DENND4C: variants seen among roughly 807,000 people sequenced by gnomAD.
The protein encoded by DENND4C is DENN domain containing 4C.
Under a neutral mutation model 203.0 loss-of-function variants are expected in DENND4C, and 108 were observed. That is an observed-to-expected ratio of 0.53 (90% CI 0.46 to 0.62). DENND4C has a LOEUF of 0.62. Among genes scored for constraint, DENND4C ranks in the 20% least tolerant of loss-of-function variants. The pLI is 0.00. For synonymous variants in DENND4C, 871 were observed against 792.4 expected, an observed-to-expected ratio of 1.10 and a Z score of -1.67; for missense variants, 2,481 against 2,301.2, an observed-to-expected ratio of 1.08 and a Z score of -1.60.
intron 9 of DENND4C, among the ~76,000 whole-genome samples, chr9:19,301,376 C>A (rs1838541695): frequency 6.6e-6 from 1 of 152,188 alleles, no homozygotes; most frequent in Non-Finnish European, 1.5e-5. Flanking sequence ...CTCTTGTTTA[C>A]TCCTGTATTT....
At chr9:19,348,949 A>G (rs1334958852) in intron 23 of DENND4C, among the ~76,000 whole-genome samples, 2 of 151,848 alleles carry the variant, frequency 1.3e-5, no homozygotes, top group African/African-American at 4.8e-5. Flanking sequence ...CTAGGACTCC[A>G]GGCGTGCCCC....
intron 1 of DENND4C, among the ~76,000 whole-genome samples, chr9:19,247,241 G>C (rs1825512158): frequency 6.6e-6 from 1 of 152,030 alleles, no homozygotes; most frequent in Non-Finnish European, 1.5e-5. Context: ...CCTAGACTTA[G>C]GCTTTGTAAC....
At position 19,240,809 on chromosome 9, in the gene DENND4C, A is replaced by C. The variant is rs1049741073; in HGVS notation, c.-18+9976A>C. The stretch of plus-strand genomic sequence containing the variant: ...TGGTGAAACTGTGTCTCTACTAAAA[A>C]CTCAAAAATTAGCCTGGTATGGTGG... On this transcript the variant is annotated intron_variant, in intron 1 of 32. Transcript: ENST00000434457. 2.6e-5 allele frequency among the ~76,000 whole-genome samples: 4 copies of C among 152,000 alleles called. No individual in the cohort carries two copies. The East Asian group carries it at 5.8e-4, about 22-fold the overall frequency.
chr9:19,331,546 T>C (rs1563811209), intron 16 of DENND4C, among the ~76,000 whole-genome samples: 1 of 152,120 alleles, frequency 6.6e-6, no homozygotes, highest in African/African-American at 2.4e-5. Context: ...GGAGTTAACA[T>C]AGACTGTAGC....
In DENND4C at chr9:19,358,505, A is replaced by G. The variant is rs915681097; in HGVS notation, c.5160+345A>G. On this transcript the variant is annotated intron_variant, in intron 28 of 32. Transcript: ENST00000434457. This position sits in a 1 kb window ranked among gnomAD's most constrained non-coding sequence, Gnocchi z 4.8. The stretch of plus-strand genomic sequence containing the variant: ...CAGTATGTATCCCTGAATGATGAGG[A>G]CTTTAGAAAAATATAATCACACTGC... Among the ~76,000 whole-genome samples the G allele has an allele frequency of 3.4e-5, 5 of 149,044 alleles. No homozygotes were observed. The highest frequency in any genetic ancestry group is 1.5e-5 in the Non-Finnish European group (1 of 68,016).
chr9:19,274,512 C>G (rs369784881), intron 1 of DENND4C, among the ~76,000 whole-genome samples: 13 of 152,294 alleles, frequency 8.5e-5, no homozygotes, highest in Admixed American at 6.5e-4. Flanking sequence ...TCAGGCTGGT[C>G]TCAAACTCCC....
intron 20 of DENND4C, chr9:19,337,717 T>A: frequency 8.7e-7 from 1 of 1,153,070 alleles, no homozygotes; most frequent in South Asian, 1.3e-5. Flanking sequence ...CCTGCAAGGG[T>A]GGGGGAAAGA....
intron 4 of DENND4C, among the ~76,000 whole-genome samples, chr9:19,289,735 A>G (rs993331486): frequency 2.0e-4 from 30 of 151,722 alleles, no homozygotes; most frequent in South Asian, 1.0e-3. Flanking sequence ...AGGCTGAGGC[A>G]CGAGAATCGC....
At chr9:19,234,423 G>C (rs773440898) in intron 1 of DENND4C, among the ~76,000 whole-genome samples, 59 of 151,286 alleles carry the variant, frequency 3.9e-4, no homozygotes, top group Admixed American at 9.2e-4. Flanking sequence ...GTAGAAATGG[G>C]GTTTCACCGT....
rs191652418 is a variant in DENND4C, at chr9:19,286,791, C to A, written c.328C>A (p.Arg110=). 2 of 1,232,088 alleles carry A rather than the reference C, an allele frequency of 1.6e-6. No individual in the cohort carries two copies. The highest frequency in any genetic ancestry group is 2.0e-6 in the Non-Finnish European group (2 of 987,950). The allele number at this position is 1,232,088 out of a possible 1,614,324, so 76.3% of individuals were successfully genotyped here. A position where few individuals can be genotyped will look rare whatever the true frequency, so the allele number is the denominator to read the frequency against. Residue 110 remains arginine (R), a synonymous_variant, in exon 3 of 33, where the codon CGG becomes AGG. Coordinates refer to ENST00000434457, the MANE Select transcript of DENND4C (RefSeq NM_001330640.2). ...CAGAGTTCTATATGAAGGGAAAGAACGGCTTATTCCAGGATGTGAAGTGAT... is the reference window on the plus strand; with the variant it reads ...CAGAGTTCTATATGAAGGGAAAGAAAGGCTTATTCCAGGATGTGAAGTGAT... ...DIGVLYEGKE[R]LIPGCEVILA... is the part of the protein sequence containing the mutation.
At chr9:19,300,955 G>A (rs147693626) in intron 9 of DENND4C, among the ~76,000 whole-genome samples, 3,294 of 152,156 alleles carry the variant, frequency 0.022, 124 homozygotes, top group African/African-American at 0.075. Context: ...TGAGGTAGGC[G>A]GATCACCTGA....
intron 1 of DENND4C, among the ~76,000 whole-genome samples, chr9:19,258,031 A>C (rs73425068): frequency 0.054 from 8,203 of 152,040 alleles, 374 homozygotes; most frequent in African/African-American, 0.12. Flanking sequence ...GGTGGGAGGA[A>C]CACTTGAGCC....
rs112631399 is a variant in DENND4C, at chr9:19,334,959, A to AT, written c.2461-6dup. 0.054 allele frequency: 57,401 copies of AT among 1,067,910 alleles called. 16 individuals carry two copies. Among genetic ancestry groups the AT allele is most frequent in the South Asian group, 0.059 (3,568 of 60,612 alleles). 66.2% of individuals were successfully genotyped at this position (1,067,910 alleles called of 1,614,324 possible). A position where few individuals can be genotyped will look rare whatever the true frequency, so the allele number is the denominator to read the frequency against. ...ATTAGTATACTAATTACTGACACTG[A>AT]TTTTTTTTTTTTGTTAGGTGTGCTA... On this transcript the variant is annotated splice_polypyrimidine_tract_variant and intron_variant, in intron 17 of 32. Transcript: ENST00000434457.
At chr9:19,339,323 C>G (rs1821116790) in intron 20 of DENND4C, among the ~76,000 whole-genome samples, 1 of 152,190 alleles carries the variant, frequency 6.6e-6, no homozygotes, top group Non-Finnish European at 1.5e-5. Flanking sequence ...CCTTGTGGTA[C>G]TTTAACCCCC....
At chr9:19,353,646 A>AT (rs1824687093) in intron 26 of DENND4C, among the ~76,000 whole-genome samples, 1 of 151,148 alleles carries the variant, frequency 6.6e-6, no homozygotes, top group Admixed American at 6.6e-5. Flanking sequence ...CAACAAAAAC[A>AT]TTTAGGCTGG....
intron 1 of DENND4C, among the ~76,000 whole-genome samples, chr9:19,266,618 C>G (rs926813629): frequency 6.6e-6 from 1 of 152,046 alleles, no homozygotes. Context: ...GGTACTGGTA[C>G]CAAAACAGAG....
chr9:19,336,900 CT>C, intron 20 of DENND4C, 68 bp downstream of exon 20: 1 of 1,448,598 alleles, frequency 6.9e-7, no homozygotes, highest in African/African-American at 1.4e-5. Context: ...TTTCAAAAAG[CT>C]TCTTCCATTC....
At chr9:19,308,354 A>G (rs1236800919) in intron 10 of DENND4C, among the ~76,000 whole-genome samples, 1 of 152,116 alleles carries the variant, frequency 6.6e-6, no homozygotes, top group Non-Finnish European at 1.5e-5. Flanking sequence ...TGACTTTTAA[A>G]TTTTTTACCA....
rs773558976 is a variant in DENND4C at position 19,373,654 on chromosome 9, TATC to T, written c.*1484_*1486del. ...ATCTCACATGCCTCACTTTGACATT[TATC>T]ATGCCTTTTATTAAAAATATCCCTT... On this transcript the variant is annotated 3_prime_UTR_variant, in exon 33 of 33. Coordinates refer to ENST00000434457, the MANE Select transcript of DENND4C (RefSeq NM_001330640.2). 2.6e-5 allele frequency: 4 copies of T among 152,640 alleles called. No individual in the cohort carries two copies. Among genetic ancestry groups the T allele is most frequent in the African/African-American group, 9.6e-5 (4 of 41,464 alleles). The allele number at this position is 152,640 out of a possible 1,614,324, so 9.5% of individuals were successfully genotyped here.
Sources: allele counts gnomAD v4.1 joint callset (sites outside exome capture counted in the v4.1 genomes callset), GRCh38; gene constraint gnomAD v4.1.1; non-coding constraint Gnocchi (gnomAD v3.1); transcripts MANE v1.5; gene names NCBI Gene and HGNC (gene_info 2026-07-23, HGNC 2026-07-21).